STK32B: variants seen among roughly 807,000 people sequenced by gnomAD.
STK32B encodes serine/threonine-protein kinase 32B.
STK32B carries 43 observed loss-of-function variants against 52.6 expected under a neutral mutation model. That is an observed-to-expected ratio of 0.82 (90% CI 0.64 to 1.05). The LOEUF (loss-of-function observed/expected upper bound fraction) is 1.05, where lower values mean the gene tolerates loss of function less well. Among genes scored for constraint, STK32B ranks in the 50% least tolerant of loss-of-function variants. The probability of loss-of-function intolerance (pLI) is 0.00; values close to 1 mark genes in which losing one functional copy is unlikely to be tolerated. For missense variants in STK32B, 621 were observed against 534.6 expected (o/e 1.16, Z -1.59); for synonymous variants, 238 against 204.3 (o/e 1.17, Z -1.41).
At chr4:5,276,372 C>T (rs967304351) in intron 3 of STK32B, among the ~76,000 whole-genome samples, 2 of 152,146 alleles carry the variant, frequency 1.3e-5, no homozygotes, top group African/African-American at 4.8e-5. Flanking sequence ...TTAGAATGTG[C>T]ATCCTACTTT....
intron 4 of STK32B, among the ~76,000 whole-genome samples, chr4:5,368,742 C>G (rs1387281276): frequency 6.6e-6 from 1 of 152,206 alleles, no homozygotes; most frequent in Admixed American, 6.5e-5. Context: ...CCTGCAGTTC[C>G]TGTCCTCTGA....
chr4:5,106,605 C>T (rs191782681), intron 1 of STK32B, among the ~76,000 whole-genome samples: 4 of 152,274 alleles, frequency 2.6e-5, no homozygotes. Flanking sequence ...AGATTTCCTC[C>T]ATTGCCTGAA....
intron 2 of STK32B, among the ~76,000 whole-genome samples, chr4:5,147,201 C>A (rs1406565899): frequency 6.6e-6 from 1 of 151,910 alleles, no homozygotes; most frequent in Non-Finnish European, 1.5e-5. Context: ...GGGGAAGACA[C>A]TATTGTAATG....
At position 5,237,999 on chromosome 4, in the gene STK32B, C is replaced by T. The variant is rs116893093; in HGVS notation, c.260+69549C>T. ...AGATTGTAGTTTTCTTATTTGAAAA[C>T]GAGAGAGTCTGATTTAAAAATATCC... On this transcript the variant is annotated intron_variant, in intron 3 of 11. Coordinates refer to ENST00000282908, the MANE Select transcript of STK32B (RefSeq NM_018401.3). 3.9e-4 allele frequency among the ~76,000 whole-genome samples: 59 copies of T among 152,234 alleles called. No homozygotes were observed. The East Asian group carries it at 8.7e-3, about 22-fold the overall frequency.
At chr4:5,035,386 G>A in the STK32B span, among the ~76,000 whole-genome samples, 1 of 152,212 alleles carries the variant, frequency 6.6e-6, no homozygotes, top group African/African-American at 2.4e-5. Flanking sequence ...TCGACACATA[G>A]TAATTGCTCA....
At chr4:5,129,854 A>G (rs1449359677) in intron 1 of STK32B, among the ~76,000 whole-genome samples, 2 of 152,120 alleles carry the variant, frequency 1.3e-5, no homozygotes, top group Non-Finnish European at 2.9e-5. Flanking sequence ...TCTCCCATTC[A>G]ATATTTATTC....
At chr4:5,102,861 C>G (rs1333091329) in intron 1 of STK32B, among the ~76,000 whole-genome samples, 1 of 83,014 alleles carries the variant, frequency 1.2e-5, no homozygotes, top group African/African-American at 4.5e-5. Context: ...CCCCCTCCCT[C>G]CCTCCCTCCC....
chr4:5,409,632 G>C (rs1297404040), intron 5 of STK32B, among the ~76,000 whole-genome samples: 5 of 152,130 alleles, frequency 3.3e-5, no homozygotes, highest in Admixed American at 6.5e-5. Context: ...CACATGCCTG[G>C]CAGGCTTTAT....
intron 3 of STK32B, among the ~76,000 whole-genome samples, chr4:5,290,169 C>G (rs986534627): frequency 6.6e-6 from 1 of 152,078 alleles, no homozygotes; most frequent in South Asian, 2.1e-4. Context: ...GCCACGGACG[C>G]CCATCTTCCA....
intron 2 of STK32B, among the ~76,000 whole-genome samples, chr4:5,158,509 G>A (rs751175729): frequency 2.6e-5 from 4 of 152,010 alleles, no homozygotes; most frequent in Non-Finnish European, 5.9e-5. Flanking sequence ...TTATTCATTC[G>A]TTCGTAATTG....
intron 3 of STK32B, among the ~76,000 whole-genome samples, chr4:5,293,030 G>A (rs1847281): frequency 0.13 from 19,038 of 152,000 alleles, 2,745 homozygotes; most frequent in African/African-American, 0.35. Flanking sequence ...TTATAAGTGT[G>A]AACATTTGGT....
At position 5,460,276 on chromosome 4, in the gene STK32B, C is replaced by T. The variant is rs1716934029; in HGVS notation, c.909+48C>T. 1.3e-6 allele frequency: 2 copies of T among 1,570,062 alleles called. No individual in the cohort carries two copies. Among genetic ancestry groups the T allele is most frequent in the African/African-American group, 1.3e-5 (1 of 74,100 alleles). On this transcript the variant is annotated intron_variant, in intron 9 of 11. Coordinates refer to ENST00000282908, the MANE Select transcript of STK32B (RefSeq NM_018401.3). The surrounding 1 kb of genome is among the most constrained non-coding windows in gnomAD (Gnocchi z 4.8). The stretch of plus-strand genomic sequence containing the variant: ...GTCATGCCACCCCTCTGCAGGGTCC[C>T]CGCCTTGGTGCAAAGCAAGACTTTG...
At chr4:5,050,223 TG>T (rs1741709517), upstream of STK32B, among the ~76,000 whole-genome samples, 1 of 152,322 alleles carries the variant, frequency 6.6e-6, no homozygotes, top group Admixed American at 6.5e-5. Flanking sequence ...CACTGTTGCC[TG>T]CTTTTATAAA....
the STK32B span, among the ~76,000 whole-genome samples, chr4:5,035,639 C>T: frequency 2.6e-5 from 4 of 152,128 alleles, no homozygotes; most frequent in Non-Finnish European, 5.9e-5. Context: ...TGGAGACTGA[C>T]ATTGGAGGCT....
chr4:5,404,672 C>T (rs1477776528), intron 5 of STK32B, among the ~76,000 whole-genome samples: 2 of 151,822 alleles, frequency 1.3e-5, no homozygotes, highest in Non-Finnish European at 2.9e-5. Flanking sequence ...ATCATCATCC[C>T]ACTCAGGCGT....
chr4:5,175,411 G>GT (rs957321030), intron 3 of STK32B, among the ~76,000 whole-genome samples: 2 of 152,136 alleles, frequency 1.3e-5, no homozygotes, highest in Non-Finnish European at 2.9e-5. Flanking sequence ...TTTCTGCTCT[G>GT]TTTTTTCCTC....
chr4:5,161,153 C>T (rs55878089), intron 2 of STK32B, among the ~76,000 whole-genome samples: 69,402 of 151,994 alleles, frequency 0.46, 16,084 homozygotes, highest in Non-Finnish European at 0.5. Context: ...GCCCATGGCA[C>T]GCACCTAATA....
intron 3 of STK32B, among the ~76,000 whole-genome samples, chr4:5,175,184 T>C (rs1173701040): frequency 6.6e-6 from 1 of 152,194 alleles, no homozygotes; most frequent in African/African-American, 2.4e-5. Context: ...GCATTGGTTA[T>C]TCTAGTTAGC....
intron 3 of STK32B, among the ~76,000 whole-genome samples, chr4:5,209,691 G>A (rs991877917): frequency 6.6e-6 from 1 of 152,152 alleles, no homozygotes. Context: ...TCTACACCAA[G>A]CACCTCTGTG....
Sources: gnomAD v4.1 joint callset for allele counts (sites outside exome capture counted in the v4.1 genomes callset) on GRCh38, gnomAD v4.1.1 for gene constraint, Gnocchi (gnomAD v3.1) non-coding constraint, MANE v1.5 for transcripts, NCBI Gene and HGNC (gene_info 2026-07-23, HGNC 2026-07-21) for gene names.